Variants in ANXA7 observed in about 807,000 individuals in gnomAD.
ANXA7 encodes annexin VII.
ANXA7 carries 55 observed loss-of-function variants against 64.9 expected under a neutral mutation model. The observed-to-expected ratio is 0.85, with a 90% confidence interval of 0.68 to 1.06. ANXA7 has a LOEUF of 1.06. Ranked by LOEUF, ANXA7 falls within the 50% of genes least tolerant of loss-of-function variation. The pLI, the probability that ANXA7 is intolerant of heterozygous loss-of-function variation, is 0.00. For synonymous variants in ANXA7, 200 were observed against 192.4 expected (o/e 1.04, Z -0.33); for missense variants, 548 against 582.1 (o/e 0.94, Z 0.60).
chr10:73,387,278 G>A (rs187841615), intron 7 of ANXA7, among the ~76,000 whole-genome samples: 116 of 152,268 alleles, frequency 7.6e-4, no homozygotes, highest in African/African-American at 2.5e-3. Flanking sequence ...ACTTTGGGAG[G>A]CTGAGGCAGG....
chr10:73,376,223 T>A lies in ANXA7; in HGVS notation c.1279-6A>T. The A allele has an allele frequency of 6.5e-7, 1 of 1,549,442 alleles. No individual in the cohort carries two copies. The highest frequency in any genetic ancestry group is 8.7e-7 in the Non-Finnish European group (1 of 1,154,554). On this transcript the variant is annotated splice_region_variant and splice_polypyrimidine_tract_variant and intron_variant, in intron 12 of 12. Coordinates refer to ENST00000372921, the MANE Select transcript of ANXA7 (RefSeq NM_001156.5). ...TTTATTTGTACAAGGTCAATCTGCA[T>A]AAGAAATAATATTTCTGTCAGAAAA...
rs770977948 is a variant in ANXA7, at chr10:73,376,117, A to T, written c.1379T>A (p.Leu460His). ...GDTSGDYRRL[L>H]LAIVGQ ...CTCCTACTGGCCCACAATAGCCAGA[A>T]GAAGTCTTCGGTAATCTCCACTCGT... is the stretch of plus-strand genomic sequence containing the variant. Residue 460 changes from leucine (L) to histidine (H), a missense_variant, in exon 13 of 13, where the codon CTT becomes CAT. Leu to His is a moderately conservative substitution (Grantham distance 99). Transcript: ENST00000372921. 1.3e-6 allele frequency: 2 copies of T among 1,599,226 alleles called. No individual in the cohort carries two copies. Among genetic ancestry groups the T allele is most frequent in the Non-Finnish European group, 8.5e-7 (1 of 1,174,558 alleles).
intron 1 of ANXA7, among the ~76,000 whole-genome samples, chr10:73,410,412 A>G (rs1210143370): frequency 6.6e-6 from 1 of 152,222 alleles, no homozygotes; most frequent in Non-Finnish European, 1.5e-5. Context: ...ATAATTCAAC[A>G]TCATTAATCA....
At position 73,383,214 on chromosome 10, in the gene ANXA7, T is replaced by A. The variant is rs2055302894; in HGVS notation, c.879A>T (p.Thr293=). The change falls in exon 9 of 13, where the codon ACA becomes ACT. Residue 293 remains threonine, a synonymous_variant. Transcript: ENST00000372921. ...RDLEKDIRSD[T]SGHFERLLVS... is the part of the protein sequence containing the mutation. ...CAAGTAAACGTTCAAAATGTCCTGA[T>A]GTATCTGACCTAATGTCCTTTTCAA... is the stretch of plus-strand genomic sequence containing the variant. 6.2e-7 allele frequency: 1 copy of A among 1,613,962 alleles called. No homozygotes were observed. The highest frequency in any genetic ancestry group is 1.7e-5 in the Admixed American group (1 of 59,982).
intron 1 of ANXA7, among the ~76,000 whole-genome samples, chr10:73,413,175 C>T (rs977147595): frequency 6.7e-6 from 1 of 150,218 alleles, no homozygotes. Flanking sequence ...AGACAGTCCT[C>T]ACTGAAAAGG....
rs751811147 is a variant in ANXA7, at chr10:73,376,075, T to TAAA, written c.*17_*19dup. 5.8e-4 allele frequency: 762 copies of TAAA among 1,310,924 alleles called. No homozygotes were observed. The African/African-American group carries it at 8.3e-3, about 14-fold the overall frequency. The allele number at this position is 1,310,924 out of a possible 1,614,324, so 81.2% of individuals were successfully genotyped here. On this transcript the variant is annotated 3_prime_UTR_variant, in exon 13 of 13. Coordinates refer to ENST00000372921, the MANE Select transcript of ANXA7 (RefSeq NM_001156.5). ...GCTATGAATAGAAATTTTTTTTCAT[T>TAAA]AAAAAAAAAAAAATCCCTCCTACTG... is the stretch of plus-strand genomic sequence containing the variant.
intron 7 of ANXA7, among the ~76,000 whole-genome samples, chr10:73,385,883 G>GCAGA (rs2055361761): frequency 6.6e-6 from 1 of 152,096 alleles, no homozygotes; most frequent in Non-Finnish European, 1.5e-5. Context: ...TAAACTAGAT[G>GCAGA]CAGAGAACAT....
chr10:73,395,995 C>T (rs1276734573), intron 5 of ANXA7: 10 of 1,130,514 alleles, frequency 8.8e-6, no homozygotes, highest in African/African-American at 1.5e-5. Flanking sequence ...GAAACAAAGG[C>T]ACATATAAAG....
chr10:73,413,058 G>A (rs1014777782), intron 1 of ANXA7, among the ~76,000 whole-genome samples: 2 of 152,120 alleles, frequency 1.3e-5, no homozygotes, highest in Non-Finnish European at 2.9e-5. Context: ...CGGCTTCTAG[G>A]TATGGTAGGA....
chr10:73,403,902 G>A (rs1433234702), intron 1 of ANXA7, among the ~76,000 whole-genome samples: 1 of 152,150 alleles, frequency 6.6e-6, no homozygotes, highest in African/African-American at 2.4e-5. Context: ...GGACGTGAAC[G>A]TACCTACTTA....
At chr10:73,393,384 A>G (rs2055517293) in intron 5 of ANXA7, among the ~76,000 whole-genome samples, 2 of 152,220 alleles carry the variant, frequency 1.3e-5, no homozygotes, top group African/African-American at 4.8e-5. Context: ...GAACCAAAAA[A>G]GAGCCCACAT....
chr10:73,395,848 C>T, intron 5 of ANXA7: 2 of 675,042 alleles, frequency 3.0e-6, no homozygotes, highest in Non-Finnish European at 2.7e-6. Flanking sequence ...GGAAACTCTG[C>T]AGCTAATGAG....
At chr10:73,397,102 A>G (rs2055587696) in intron 4 of ANXA7, 62 bp downstream of exon 4, 2 of 794,960 alleles carry the variant, frequency 2.5e-6, no homozygotes, top group Admixed American at 3.3e-5. Flanking sequence ...AAGTTCCCTC[A>G]ATGGTGATTT....
chr10:73,409,485 A>C (rs1238315337), intron 1 of ANXA7, among the ~76,000 whole-genome samples: 1 of 151,046 alleles, frequency 6.6e-6, no homozygotes, highest in Non-Finnish European at 1.5e-5. Flanking sequence ...GATCTCTACA[A>C]GGAGAACTAC....
intron 1 of ANXA7, among the ~76,000 whole-genome samples, chr10:73,409,605 C>G (rs889086306): frequency 2.0e-5 from 3 of 152,154 alleles, no homozygotes; most frequent in Non-Finnish European, 4.4e-5. Context: ...AAGCAATCTA[C>G]AGATTCAATG....
chr10:73,387,614 T>C, intron 7 of ANXA7, 75 bp downstream of exon 7: 1 of 1,155,492 alleles, frequency 8.7e-7, no homozygotes, highest in South Asian at 1.2e-5. Flanking sequence ...CTAATCAAAA[T>C]ATAGTATCCA....
At chr10:73,412,901 A>G (rs2055867643) in intron 1 of ANXA7, among the ~76,000 whole-genome samples, 1 of 151,808 alleles carries the variant, frequency 6.6e-6, no homozygotes, top group Non-Finnish European at 1.5e-5. Context: ...GTCAGTTAGT[A>G]AAAGGGCTGG....
chr10:73,409,679 T>C (rs549881908), intron 1 of ANXA7, among the ~76,000 whole-genome samples: 6 of 152,066 alleles, frequency 3.9e-5, no homozygotes, highest in Non-Finnish European at 8.8e-5. Context: ...CTAAAATTAA[T>C]ATGGAACAAA....
intron 5 of ANXA7, among the ~76,000 whole-genome samples, chr10:73,390,356 CAT>C (rs2055449334): frequency 6.6e-6 from 1 of 152,120 alleles, no homozygotes; most frequent in Non-Finnish European, 1.5e-5. Flanking sequence ...TCCTCCCACT[CAT>C]ATATATTTTT....
Sources: gnomAD v4.1 joint callset for allele counts (sites outside exome capture counted in the v4.1 genomes callset) on GRCh38, gnomAD v4.1.1 for gene constraint, MANE v1.5 for transcripts, NCBI Gene and HGNC (gene_info 2026-07-23, HGNC 2026-07-21) for gene names.